The following PIP4K2A variants were observed in gnomAD, a reference collection of about 807,000 sequenced individuals.
The protein encoded by PIP4K2A is phosphatidylinositol-5-phosphate 4-kinase type 2 alpha.
A neutral mutation model predicts 42.9 loss-of-function variants in PIP4K2A; 14 were observed. That is an observed-to-expected ratio of 0.33 (90% confidence interval 0.22 to 0.51). PIP4K2A has a LOEUF of 0.51. PIP4K2A is among the 20% of genes least tolerant of loss of function. The pLI, the probability that PIP4K2A is intolerant of heterozygous loss-of-function variation, is 0.97. For missense variants in PIP4K2A, 434 were observed against 519.8 expected (o/e 0.83, Z 1.61); for synonymous variants, 192 against 192.2 (o/e 1.00, Z 0.01).
chr10:22,709,305 G>A (rs1833874966), intron 1 of PIP4K2A, among the ~76,000 whole-genome samples: 1 of 152,090 alleles, frequency 6.6e-6, no homozygotes, highest in Non-Finnish European at 1.5e-5. Context: ...TCAACCCTGT[G>A]AAGTCATATC....
intron 1 of PIP4K2A, among the ~76,000 whole-genome samples, chr10:22,699,242 A>AG (rs1320936704): frequency 6.6e-6 from 1 of 152,226 alleles, no homozygotes; most frequent in Admixed American, 6.5e-5. Context: ...ATCTGGGTGC[A>AG]GGCAGAACCT....
chr10:22,706,056 A>G (rs537322579), intron 1 of PIP4K2A, among the ~76,000 whole-genome samples: 1 of 152,100 alleles, frequency 6.6e-6, no homozygotes, highest in South Asian at 2.1e-4. Flanking sequence ...AGGTCTCGTG[A>G]GAACTAACTA....
At position 22,535,023 on chromosome 10, in the gene PIP4K2A, A is replaced by ATTG. The variant is rs1471066643; in HGVS notation, c.*2175_*2177dup. The ATTG allele has an allele frequency of 2.6e-5, 4 of 152,222 alleles. No homozygotes were observed. The highest frequency in any genetic ancestry group is 5.9e-5 in the Non-Finnish European group (4 of 68,032). 9.4% of individuals were successfully genotyped at this position (152,222 alleles called of 1,614,324 possible). A position where few individuals can be genotyped will look rare whatever the true frequency, so the allele number is the denominator to read the frequency against. Reference sequence around the variant, plus strand: ...AAAGCCCGGCTCATGACTGGAGTGTATTGTTAGCACTAGGAGATAACAGGG... The same window carrying ATTG: ...AAAGCCCGGCTCATGACTGGAGTGTATTGTTGTTAGCACTAGGAGATAACAGGG... On this transcript the variant is annotated 3_prime_UTR_variant, in exon 10 of 10. Coordinates refer to ENST00000376573, the MANE Select transcript of PIP4K2A (RefSeq NM_005028.5).
At chr10:22,554,211 TTAC>T (rs763587377) in intron 6 of PIP4K2A, among the ~76,000 whole-genome samples, 2 of 152,184 alleles carry the variant, frequency 1.3e-5, no homozygotes, top group South Asian at 2.1e-4. Context: ...CAAGAAAATC[TTAC>T]TACTTAGCTT....
chr10:22,593,220 T>TG (rs2130824275), intron 3 of PIP4K2A, among the ~76,000 whole-genome samples: 1 of 152,328 alleles, frequency 6.6e-6, no homozygotes, highest in South Asian at 2.1e-4. Flanking sequence ...CCCCCTGTGG[T>TG]GGATCACACG....
At chr10:22,714,007 C>G (rs1321819369) in intron 1 of PIP4K2A, 176 bp downstream of exon 1, 1 of 601,910 alleles carries the variant, frequency 1.7e-6, no homozygotes, top group Non-Finnish European at 2.8e-6. Context: ...GCCTGGGCGG[C>G]CCAGAGGGCT....
chr10:22,674,866 G>A (rs1313001190), intron 1 of PIP4K2A, among the ~76,000 whole-genome samples: 1 of 152,122 alleles, frequency 6.6e-6, no homozygotes, highest in Admixed American at 6.5e-5. Flanking sequence ...AGCAGGCTGA[G>A]GCAGGAAGAT....
intron 1 of PIP4K2A, among the ~76,000 whole-genome samples, chr10:22,672,718 C>T (rs1010853426): frequency 3.9e-5 from 6 of 152,154 alleles, no homozygotes; most frequent in African/African-American, 9.7e-5. Flanking sequence ...ACCAGACAGA[C>T]GCAGAGAAAA....
chr10:22,675,810 C>T (rs1271183395), intron 1 of PIP4K2A, among the ~76,000 whole-genome samples: 1 of 152,182 alleles, frequency 6.6e-6, no homozygotes, highest in East Asian at 1.9e-4. Context: ...GGTGCTGAAG[C>T]CTGACTAGTT....
intron 7 of PIP4K2A, among the ~76,000 whole-genome samples, chr10:22,548,177 G>C (rs1015819927): frequency 1.3e-5 from 2 of 152,172 alleles, no homozygotes; most frequent in African/African-American, 4.8e-5. Flanking sequence ...TTTAATGATG[G>C]TTCTGCATAA....
At chr10:22,661,399 C>T (rs937085131) in intron 1 of PIP4K2A, among the ~76,000 whole-genome samples, 5 of 140,122 alleles carry the variant, frequency 3.6e-5, no homozygotes, top group East Asian at 4.1e-4. Context: ...TTCTGTCGCT[C>T]GGGCTGGAGT....
intron 7 of PIP4K2A, among the ~76,000 whole-genome samples, chr10:22,547,887 A>G (rs1269840456): frequency 6.6e-6 from 1 of 152,268 alleles, no homozygotes; most frequent in Non-Finnish European, 1.5e-5. Context: ...GCATAGGAAT[A>G]GAACAGGGCT....
intron 7 of PIP4K2A, among the ~76,000 whole-genome samples, chr10:22,543,774 A>T (rs1836188577): frequency 6.6e-6 from 1 of 152,152 alleles, no homozygotes; most frequent in African/African-American, 2.4e-5. Flanking sequence ...GGCTCACTTG[A>T]GTCCTCCACC....
At chr10:22,585,402 A>G (rs1048754157) in intron 4 of PIP4K2A, among the ~76,000 whole-genome samples, 1 of 152,220 alleles carries the variant, frequency 6.6e-6, no homozygotes, top group Non-Finnish European at 1.5e-5. Context: ...AAGGAATTTA[A>G]GTCGTTTTTT....
chr10:22,537,092 T>G lies in PIP4K2A; in HGVS notation c.*109A>C, dbSNP rs1197115808. The stretch of plus-strand genomic sequence containing the variant: ...TGGCCTGAAGATGTAAACAAGGAGG[T>G]TTGCTTCCTGCAAGATGAGTACTTC... On this transcript the variant is annotated 3_prime_UTR_variant, in exon 10 of 10. Coordinates refer to ENST00000376573, the MANE Select transcript of PIP4K2A (RefSeq NM_005028.5). The G allele has an allele frequency of 2.6e-6, 2 of 782,264 alleles. No homozygotes were observed. Among genetic ancestry groups the G allele is most frequent in the African/African-American group, 3.5e-5 (2 of 56,786 alleles). 48.5% of individuals were successfully genotyped at this position (782,264 alleles called of 1,614,324 possible).
intron 1 of PIP4K2A, among the ~76,000 whole-genome samples, chr10:22,623,946 G>C (rs72816854): frequency 0.012 from 1,778 of 152,270 alleles, 23 homozygotes; most frequent in Middle Eastern, 0.065. Context: ...CAATTAAAAT[G>C]ACTGGGAAGA....
intron 1 of PIP4K2A, among the ~76,000 whole-genome samples, chr10:22,655,586 TCTA>T (rs964577643): frequency 6.6e-6 from 1 of 152,248 alleles, no homozygotes; most frequent in African/African-American, 2.4e-5. Context: ...GCTTTTGTGT[TCTA>T]AGTTGTTTGC....
chr10:22,623,787 A>G (rs1034086747), intron 1 of PIP4K2A, among the ~76,000 whole-genome samples: 2 of 152,220 alleles, frequency 1.3e-5, no homozygotes, highest in Non-Finnish European at 2.9e-5. Flanking sequence ...CATGGGCTGA[A>G]GCTAATGTTA....
intron 1 of PIP4K2A, among the ~76,000 whole-genome samples, chr10:22,688,536 T>C (rs1157787600): frequency 6.6e-6 from 1 of 152,222 alleles, no homozygotes; most frequent in Non-Finnish European, 1.5e-5. Flanking sequence ...CACTGCAGCC[T>C]TGACCTCCTG....
Sources: gnomAD v4.1 joint callset for allele counts (sites outside exome capture counted in the v4.1 genomes callset) on GRCh38, gnomAD v4.1.1 for gene constraint, MANE v1.5 for transcripts, NCBI Gene and HGNC (gene_info 2026-07-23, HGNC 2026-07-21) for gene names.